Variants in RBFOX1 observed in about 807,000 individuals in gnomAD.
RBFOX1 encodes the protein RNA binding protein fox-1 homolog 1.
RBFOX1 carries 8 observed loss-of-function variants against 57.7 expected under a neutral mutation model. The observed-to-expected ratio is 0.14, with a 90% CI of 0.08 to 0.25. RBFOX1 has a LOEUF of 0.25. Ranked by LOEUF, RBFOX1 falls within the 10% of genes least tolerant of loss-of-function variation. The pLI, the probability that RBFOX1 is intolerant of heterozygous loss-of-function variation, is 1.00. For missense variants in RBFOX1, 611 were observed against 548.5 expected (o/e 1.11, Z -1.14); for synonymous variants, 326 against 222.4 (o/e 1.47, Z -4.15).
At chr16:7,485,366 C>T (rs1233437305) in intron 4 of RBFOX1, among the ~76,000 whole-genome samples, 1 of 152,232 alleles carries the variant, frequency 6.6e-6, no homozygotes, top group Non-Finnish European at 1.5e-5. Flanking sequence ...GACATTTTCC[C>T]ATCCTCTGCA....
intron 10 of RBFOX1, among the ~76,000 whole-genome samples, chr16:7,612,301 ACAGAGCGAGACTC>A (rs2057648182): frequency 7.2e-6 from 1 of 139,800 alleles, no homozygotes; most frequent in Non-Finnish European, 1.5e-5. Context: ...AGCCTGGGTA[ACAGAGCGAGACTC>A]CATCTCAAAA....
chr16:6,672,411 G>C (rs1603309049), intron 3 of RBFOX1, among the ~76,000 whole-genome samples: 1 of 150,748 alleles, frequency 6.6e-6, no homozygotes, highest in African/African-American at 2.4e-5. Context: ...AGGAAGGACG[G>C]ATGGATGGAA....
At chr16:6,494,618 C>G (rs1313655280) in intron 2 of RBFOX1, among the ~76,000 whole-genome samples, 1 of 152,182 alleles carries the variant, frequency 6.6e-6, no homozygotes, top group Non-Finnish European at 1.5e-5. Context: ...TTGACCATCA[C>G]ACATAAAGCT....
At chr16:6,820,200 G>T (rs1307927495) in intron 3 of RBFOX1, among the ~76,000 whole-genome samples, 1 of 152,150 alleles carries the variant, frequency 6.6e-6, no homozygotes, top group Non-Finnish European at 1.5e-5. Context: ...CATCGTGATT[G>T]TGAGGCCTCC....
At chr16:6,267,891 C>G (rs146404287) in intron 1 of RBFOX1, among the ~76,000 whole-genome samples, 161 of 152,230 alleles carry the variant, frequency 1.1e-3, no homozygotes, top group African/African-American at 3.2e-3. Context: ...GGGCTATTAC[C>G]TTTTTATATT....
intron 4 of RBFOX1, among the ~76,000 whole-genome samples, chr16:7,246,772 A>T (rs1357432388): frequency 6.6e-6 from 1 of 151,712 alleles, no homozygotes. Context: ...TACGTAGCAC[A>T]TCCAGAGGCT....
Position 5,536,349 on chromosome 16 carries a change from C to T in RBFOX1, c.259-62553C>T, listed in dbSNP as rs570614987. 2.0e-5 allele frequency among the ~76,000 whole-genome samples: 3 copies of T among 151,128 alleles called. No homozygotes were observed. The South Asian group carries it at 6.3e-4, about 32-fold the overall frequency. On this transcript the variant is annotated intron_variant, in intron 2 of 2. Transcript: ENST00000585867. ...TGCTGGGTTCAAGCGATTCTCCTGC[C>T]TCAGCCTGCTGAGTAGCTGGGATTA...
At chr16:7,337,612 TCA>T (rs1384597898) in intron 4 of RBFOX1, among the ~76,000 whole-genome samples, 2 of 152,184 alleles carry the variant, frequency 1.3e-5, no homozygotes, top group Non-Finnish European at 2.9e-5. Context: ...CTCTGCAAGC[TCA>T]CAAAAGAATG....
chr16:6,718,289 G>T (rs1309094188), intron 3 of RBFOX1, among the ~76,000 whole-genome samples: 1 of 152,102 alleles, frequency 6.6e-6, no homozygotes, highest in East Asian at 1.9e-4. Context: ...GGGTTGGAGT[G>T]GTGAATGGAA....
intron 3 of RBFOX1, among the ~76,000 whole-genome samples, chr16:5,765,584 A>G (rs2053748057): frequency 6.6e-6 from 1 of 152,228 alleles, no homozygotes; most frequent in Non-Finnish European, 1.5e-5. Context: ...TACACATGAA[A>G]GAATGGCTGT....
intron 13 of RBFOX1, 92 bp from the exon 14 acceptor site, chr16:7,676,681 TG>T: frequency 9.4e-7 from 1 of 1,060,814 alleles, no homozygotes; most frequent in Non-Finnish European, 1.5e-6. Flanking sequence ...TCAGTAGATT[TG>T]GGTAACAGCT....
At chr16:7,163,971 A>G (rs1329233439) in intron 4 of RBFOX1, among the ~76,000 whole-genome samples, 1 of 152,074 alleles carries the variant, frequency 6.6e-6, no homozygotes, top group African/African-American at 2.4e-5. Context: ...GTTTTTTCTA[A>G]TTTTAATTTC....
At chr16:7,347,736 G>T (rs929688697) in intron 4 of RBFOX1, among the ~76,000 whole-genome samples, 1 of 152,108 alleles carries the variant, frequency 6.6e-6, no homozygotes, top group African/African-American at 2.4e-5. Context: ...CCAACCTATC[G>T]TATGTCTCAA....
At chr16:7,063,079 C>G (rs1376498666) in intron 4 of RBFOX1, among the ~76,000 whole-genome samples, 1 of 151,938 alleles carries the variant, frequency 6.6e-6, no homozygotes, top group African/African-American at 2.4e-5. Context: ...CCTGCAATGC[C>G]TCCCTGATGC....
chr16:7,029,838 G>T (rs1419378098), intron 3 of RBFOX1, among the ~76,000 whole-genome samples: 1 of 152,112 alleles, frequency 6.6e-6, no homozygotes, highest in African/African-American at 2.4e-5. Flanking sequence ...ATTTCTTGAA[G>T]ATGAAAGAAT....
At chr16:6,524,541 A>G (rs896221035) in intron 2 of RBFOX1, among the ~76,000 whole-genome samples, 1 of 152,194 alleles carries the variant, frequency 6.6e-6, no homozygotes, top group African/African-American at 2.4e-5. Context: ...GGGTAAGGGT[A>G]CCACAAGGTT....
intron 5 of RBFOX1, among the ~76,000 whole-genome samples, chr16:7,561,650 C>T (rs2090402247): frequency 6.6e-6 from 1 of 152,140 alleles, no homozygotes; most frequent in Admixed American, 6.5e-5. Flanking sequence ...AGTCCTAGAA[C>T]AAAACTCTTG....
At chr16:6,576,050 A>G (rs1392809789) in intron 2 of RBFOX1, among the ~76,000 whole-genome samples, 1 of 152,150 alleles carries the variant, frequency 6.6e-6, no homozygotes, top group African/African-American at 2.4e-5. Flanking sequence ...GTTCAAAAAC[A>G]ATGACTAGCA....
intron 4 of RBFOX1, among the ~76,000 whole-genome samples, chr16:5,879,590 A>G (rs2057710667): frequency 6.6e-6 from 1 of 152,176 alleles, no homozygotes. Flanking sequence ...TTGGCCTCCC[A>G]AAGTGCTGGG....
Sources: allele counts gnomAD v4.1 joint callset (sites outside exome capture counted in the v4.1 genomes callset), GRCh38; gene constraint gnomAD v4.1.1; transcripts MANE v1.5; gene names NCBI Gene and HGNC (gene_info 2026-07-23, HGNC 2026-07-21).